ADAM11: variants seen among roughly 807,000 people sequenced by gnomAD.
ADAM11 encodes the protein disintegrin and metalloproteinase domain-containing protein 11.
ADAM11 carries 49 observed loss-of-function variants against 119.1 expected under a neutral mutation model. The ratio of observed to expected loss-of-function variants is 0.41; its 90% CI spans 0.33 to 0.52. The LOEUF (loss-of-function observed/expected upper bound fraction) is 0.52, where lower values mean the gene tolerates loss of function less well. Ranked by LOEUF, ADAM11 falls within the 20% of genes least tolerant of loss-of-function variation. The pLI, the probability that ADAM11 is intolerant of heterozygous loss-of-function variation, is 0.20. For synonymous variants in ADAM11, 364 were observed against 408.0 expected, an observed-to-expected ratio of 0.89 and a Z score of 1.30; for missense variants, 777 against 1,047.5, an observed-to-expected ratio of 0.74 and a Z score of 3.56.
chr17:44,777,872 C>A lies in ADAM11; in HGVS notation c.2070+9C>A, dbSNP rs928157354. The A allele has an allele frequency of 6.2e-7, 1 of 1,613,410 alleles. No homozygotes were observed. The highest frequency in any genetic ancestry group is 8.5e-7 in the Non-Finnish European group (1 of 1,179,942). ...TTTGCTCCCACCACGGGGTGACTGC[C>A]TGGAGCCTGGGATGGCGGGAGAAGC... On this transcript the variant is annotated intron_variant, in intron 23 of 26. Transcript: ENST00000200557. This position sits in a 1 kb window ranked among gnomAD's most constrained non-coding sequence, Gnocchi z 5.1.
rs368499762 is a variant in ADAM11, at chr17:44,775,335, A to G, written c.1320+24A>G. On this transcript the variant is annotated intron_variant, in intron 15 of 26. Transcript: ENST00000200557. This position sits in a 1 kb window ranked among gnomAD's most constrained non-coding sequence, Gnocchi z 7.5. ...AGGTACCAGCCCCGCGGCGGGGAGC[A>G]TGGGAGCGGGCCCTGGGCGGGGTCC... 5.0e-5 allele frequency: 80 copies of G among 1,613,348 alleles called. No homozygotes were observed. The highest frequency in any genetic ancestry group is 6.7e-5 in the African/African-American group (5 of 74,928).
At chr17:44,761,805 T>A (rs1051209268) in intron 2 of ADAM11, among the ~76,000 whole-genome samples, 2 of 148,644 alleles carry the variant, frequency 1.3e-5, no homozygotes, top group African/African-American at 4.9e-5. Context: ...CACAACTCTG[T>A]AAGGCTTGTA....
At chr17:44,764,346 C>T (rs1448924195) in intron 2 of ADAM11, among the ~76,000 whole-genome samples, 1 of 152,236 alleles carries the variant, frequency 6.6e-6, no homozygotes, top group Admixed American at 6.5e-5. Context: ...GAGTAAGGCT[C>T]ACCCCCAGCT....
At position 44,777,861 on chromosome 17, in the gene ADAM11, G is replaced by A. The variant is rs2049626314; in HGVS notation, c.2068G>A (p.Gly690Arg). ...SGERRICSHHGVCSNEGKCIC... is the reference protein window; with the variant it reads ...SGERRICSHHRVCSNEGKCIC... ...GGAGCGCCGGATTTGCTCCCACCAC[G>A]GGGTGACTGCCTGGAGCCTGGGATG... The change falls in exon 23 of 27, where the codon GGG becomes AGG. Residue 690 changes from glycine to arginine, a missense_variant and splice_region_variant. By Grantham distance (125) the Gly-to-Arg change is moderately radical (BLOSUM62 -2). This residue lies in a region of ADAM11 where 348 missense variants were observed against 486.7 expected (regional missense o/e 0.72). Coordinates refer to ENST00000200557, the MANE Select transcript of ADAM11 (RefSeq NM_002390.6). This position sits in a 1 kb window ranked among gnomAD's most constrained non-coding sequence, Gnocchi z 5.1. 2 of 1,613,482 alleles carry A rather than the reference G, an allele frequency of 1.2e-6. No individual in the cohort carries two copies. Among genetic ancestry groups the A allele is most frequent in the Non-Finnish European group, 1.7e-6 (2 of 1,179,956 alleles).
intron 4 of ADAM11, among the ~76,000 whole-genome samples, chr17:44,770,687 G>A (rs1056451970): frequency 6.6e-6 from 1 of 152,192 alleles, no homozygotes; most frequent in Non-Finnish European, 1.5e-5. Flanking sequence ...GAGGTTGTGT[G>A]TGATGTTAGG....
chr17:44,764,319 A>C (rs1317730508), intron 2 of ADAM11, among the ~76,000 whole-genome samples: 1 of 152,210 alleles, frequency 6.6e-6, no homozygotes, highest in Non-Finnish European at 1.5e-5. Flanking sequence ...CGTCCTGCAG[A>C]AAGGCGGAGG....
At chr17:44,771,509 C>G in intron 4 of ADAM11, 75 bp from the exon 5 acceptor site, 1 of 1,445,620 alleles carries the variant, frequency 6.9e-7, no homozygotes, top group South Asian at 1.2e-5. Flanking sequence ...CTTCAGTGTC[C>G]CCCAAAAAGC....
At chr17:44,768,740 C>G (rs563878559) in intron 2 of ADAM11, among the ~76,000 whole-genome samples, 1 of 152,230 alleles carries the variant, frequency 6.6e-6, no homozygotes, top group Non-Finnish European at 1.5e-5. Context: ...CCTTGGGGCT[C>G]TCTTCCTTCC....
At position 44,776,290 on chromosome 17, in the gene ADAM11, C is replaced by G; in HGVS notation, c.1566+83C>G. 2 of 1,409,712 alleles carry G rather than the reference C, an allele frequency of 1.4e-6. No individual in the cohort carries two copies. Among genetic ancestry groups the G allele is most frequent in the Non-Finnish European group, 2.0e-6 (2 of 1,002,898 alleles). 87.3% of individuals were successfully genotyped at this position (1,409,712 alleles called of 1,614,324 possible). On this transcript the variant is annotated intron_variant, in intron 18 of 26. Coordinates refer to ENST00000200557, the MANE Select transcript of ADAM11 (RefSeq NM_002390.6). The surrounding 1 kb of genome is among the most constrained non-coding windows in gnomAD (Gnocchi z 5.2). ...GATTTGGTTTTCCCGGACGAGTGCTCAGCACTCCCCTCCTCTCCACAGCTG... is the reference window on the plus strand; with the variant it reads ...GATTTGGTTTTCCCGGACGAGTGCTGAGCACTCCCCTCCTCTCCACAGCTG...
intron 3 of ADAM11, 50 bp downstream of exon 3, chr17:44,769,844 G>T: frequency 6.3e-7 from 1 of 1,585,274 alleles, no homozygotes; most frequent in South Asian, 1.1e-5. Flanking sequence ...GGGCGGGGGA[G>T]ACATGGCTAG....
chr17:44,762,052 G>A (rs982627286), intron 2 of ADAM11, among the ~76,000 whole-genome samples: 87 of 152,240 alleles, frequency 5.7e-4, no homozygotes, highest in African/African-American at 2.0e-3. Flanking sequence ...TCGAACTTCC[G>A]ACCTCAGGTG....
chr17:44,776,894 C>T lies in ADAM11; in HGVS notation c.1618-5C>T. 3 of 1,613,652 alleles carry T rather than the reference C, an allele frequency of 1.9e-6. No homozygotes were observed. Among genetic ancestry groups the T allele is most frequent in the Non-Finnish European group, 2.5e-6 (3 of 1,179,578 alleles). On this transcript the variant is annotated splice_polypyrimidine_tract_variant and splice_region_variant and intron_variant, in intron 19 of 26. Coordinates refer to ENST00000200557, the MANE Select transcript of ADAM11 (RefSeq NM_002390.6). The surrounding 1 kb of genome is among the most constrained non-coding windows in gnomAD (Gnocchi z 5.2). ...TCCCTTGCCTCTTAATTCTTGGACT[C>T]TCAGGGCCGCTGCTACGGAGGTCGC... is the stretch of plus-strand genomic sequence containing the variant.
intron 2 of ADAM11, among the ~76,000 whole-genome samples, chr17:44,764,052 G>A (rs528464488): frequency 3.3e-5 from 5 of 152,286 alleles, no homozygotes; most frequent in East Asian, 3.9e-4. Flanking sequence ...CCAAGCTGCT[G>A]TATGGGTTAT....
Position 44,779,860 on chromosome 17 carries a change from G to A in ADAM11, c.*106G>A. On this transcript the variant is annotated 3_prime_UTR_variant, in exon 27 of 27. Transcript: ENST00000200557. ...GAGGCACCATGCAAATGTCTTCCAG[G>A]TCCAAACCCTTCAACTCCTGGCTCC... 3 of 1,487,526 alleles carry A rather than the reference G, an allele frequency of 2.0e-6. No homozygotes were observed. The highest frequency in any genetic ancestry group is 2.8e-6 in the Non-Finnish European group (3 of 1,074,576). The allele number at this position is 1,487,526 out of a possible 1,614,324, so 92.1% of individuals were successfully genotyped here. A position where few individuals can be genotyped will look rare whatever the true frequency, so the allele number is the denominator to read the frequency against.
At position 44,777,407 on chromosome 17, in the gene ADAM11, G is replaced by A. The variant is rs2049619055; in HGVS notation, c.1782-75G>A. On this transcript the variant is annotated intron_variant, in intron 21 of 26. Transcript: ENST00000200557. The surrounding 1 kb of genome is among the most constrained non-coding windows in gnomAD (Gnocchi z 5.1). ...GGCAAATGAGGTGGCAGGGTGCAGG[G>A]TGAGGGCAGATTAGAGTTCAGTAGT... The A allele has an allele frequency of 3.8e-6, 6 of 1,562,144 alleles. No individual in the cohort carries two copies. The highest frequency in any genetic ancestry group is 5.3e-6 in the Non-Finnish European group (6 of 1,136,452).
Position 44,776,718 on chromosome 17 carries a change from C to T in ADAM11, c.1567-27C>T, listed in dbSNP as rs770677384. 14 of 1,613,096 alleles carry T rather than the reference C, an allele frequency of 8.7e-6. No homozygotes were observed. Among genetic ancestry groups the T allele is most frequent in the African/African-American group, 2.7e-5 (2 of 74,850 alleles). On this transcript the variant is annotated intron_variant, in intron 18 of 26. Coordinates refer to ENST00000200557, the MANE Select transcript of ADAM11 (RefSeq NM_002390.6). This position sits in a 1 kb window ranked among gnomAD's most constrained non-coding sequence, Gnocchi z 5.2. ...CTCAGCTCCAGTCCTGGGACTGCTC[C>T]GCTCAACCCCACCCCTCTCTCCACA...
intron 2 of ADAM11, among the ~76,000 whole-genome samples, chr17:44,760,890 G>T: frequency 6.6e-6 from 1 of 152,118 alleles, no homozygotes; most frequent in Non-Finnish European, 1.5e-5. Flanking sequence ...AGGGGGATGC[G>T]GGGTGGTGCA....
At chr17:44,760,055 G>A (rs2049371232) in intron 2 of ADAM11, among the ~76,000 whole-genome samples, 158 bp downstream of exon 2, 3 of 152,206 alleles carry the variant, frequency 2.0e-5, no homozygotes, top group South Asian at 2.1e-4. Context: ...CCCACTGGTG[G>A]GGAGCACCAG....
chr17:44,774,518 G>T lies in ADAM11; in HGVS notation c.1104G>T (p.Val368=). ...NEYGNMGAMA[V]TLAQTLGQNL... ...ACGGCAACATGGGGGCGATGGCCGTGACCCTTGCCCAGACGCTGGGACAGA... is the reference window on the plus strand; with the variant it reads ...ACGGCAACATGGGGGCGATGGCCGTTACCCTTGCCCAGACGCTGGGACAGA... The change falls in exon 13 of 27, where the codon GTG becomes GTT. Residue 368 remains valine, a synonymous_variant. Coordinates refer to ENST00000200557, the MANE Select transcript of ADAM11 (RefSeq NM_002390.6). 6.2e-7 allele frequency: 1 copy of T among 1,613,366 alleles called. No individual in the cohort carries two copies. Among genetic ancestry groups the T allele is most frequent in the South Asian group, 1.1e-5 (1 of 91,050 alleles).
Sources: gnomAD v4.1 joint callset for allele counts (sites outside exome capture counted in the v4.1 genomes callset) on GRCh38, gnomAD v4.1.1 for gene constraint, gnomAD v4.1.1 regional missense constraint, Gnocchi (gnomAD v3.1) non-coding constraint, MANE v1.5 for transcripts, NCBI Gene and HGNC (gene_info 2026-07-23, HGNC 2026-07-21) for gene names.